The following ATP6V1H variants were observed in gnomAD, a reference collection of about 807,000 sequenced individuals.
ATP6V1H encodes the protein ATPase H+ transporting V1 subunit H, also known as V-type proton ATPase subunit H.
In ATP6V1H, 39 loss-of-function variants were observed where a neutral mutation model predicts 71.7. The ratio of observed to expected loss-of-function variants is 0.54; its 90% CI spans 0.42 to 0.71. The LOEUF is 0.71. ATP6V1H is among the 30% of genes least tolerant of loss of function. The pLI, the probability that ATP6V1H is intolerant of heterozygous loss-of-function variation, is 0.00. For synonymous variants in ATP6V1H, 192 were observed against 199.3 expected (o/e 0.96, Z 0.31); for missense variants, 509 against 594.9 (o/e 0.86, Z 1.50).
intron 13 of ATP6V1H, among the ~76,000 whole-genome samples, chr8:53,737,608 C>A (rs6987427): frequency 0.17 from 25,379 of 152,068 alleles, 3,440 homozygotes; most frequent in East Asian, 0.37. Flanking sequence ...GATCTGATAC[C>A]GTGTGGTGGG....
intron 9 of ATP6V1H, among the ~76,000 whole-genome samples, chr8:53,784,491 A>T (rs897803039): frequency 6.6e-6 from 1 of 152,140 alleles, no homozygotes; most frequent in Non-Finnish European, 1.5e-5. Context: ...CTCTTTATCC[A>T]ATTTGCCAGT....
intron 13 of ATP6V1H, among the ~76,000 whole-genome samples, chr8:53,719,704 C>T (rs1008926868): frequency 6.6e-6 from 1 of 152,174 alleles, no homozygotes; most frequent in Non-Finnish European, 1.5e-5. Flanking sequence ...TTTTAGAGCA[C>T]CCTGTGAGCT....
chr8:53,728,165 A>G (rs984410505), intron 13 of ATP6V1H, among the ~76,000 whole-genome samples: 1 of 152,108 alleles, frequency 6.6e-6, no homozygotes, highest in Non-Finnish European at 1.5e-5. Flanking sequence ...AATTGCTTCC[A>G]TTATTCCGGG....
chr8:53,784,552 T>C (rs1646772350), intron 9 of ATP6V1H, among the ~76,000 whole-genome samples: 1 of 152,218 alleles, frequency 6.6e-6, no homozygotes, highest in Admixed American at 6.5e-5. Flanking sequence ...AGGTTAATAT[T>C]GTTATGTGTG....
chr8:53,839,177 A>G (rs2130546643), intron 2 of ATP6V1H, among the ~76,000 whole-genome samples: 1 of 152,348 alleles, frequency 6.6e-6, no homozygotes, highest in Non-Finnish European at 1.5e-5. Context: ...GTAACTACAA[A>G]CATTCCAAAT....
chr8:53,761,118 C>T (rs950655279), intron 11 of ATP6V1H, among the ~76,000 whole-genome samples: 1 of 152,056 alleles, frequency 6.6e-6, no homozygotes, highest in South Asian at 2.1e-4. Flanking sequence ...GGGCAGATCA[C>T]GAGGTCAGGA....
chr8:53,821,384 AAAAAG>A (rs1165553539), intron 4 of ATP6V1H, among the ~76,000 whole-genome samples: 3 of 151,486 alleles, frequency 2.0e-5, no homozygotes, highest in African/African-American at 4.9e-5. Flanking sequence ...AAAAAAAAAA[AAAAAG>A]AGAGAGAGAG....
chr8:53,781,226 C>A (rs1471584453), intron 9 of ATP6V1H, among the ~76,000 whole-genome samples: 18 of 152,222 alleles, frequency 1.2e-4, no homozygotes, highest in African/African-American at 4.3e-4. Context: ...TTTTAATAAT[C>A]GCCATTCTAA....
At chr8:53,752,835 C>A (rs1266736652) in intron 12 of ATP6V1H, among the ~76,000 whole-genome samples, 2 of 152,206 alleles carry the variant, frequency 1.3e-5, no homozygotes, top group African/African-American at 4.8e-5. Flanking sequence ...CAGGCGTGAG[C>A]TACCGCACCC....
intron 7 of ATP6V1H, among the ~76,000 whole-genome samples, chr8:53,805,981 T>G (rs569824303): frequency 3.3e-5 from 5 of 152,170 alleles, no homozygotes; most frequent in African/African-American, 1.2e-4. Context: ...TTTGTGCGAG[T>G]TGAGGTGAAG....
chr8:53,731,919 C>T (rs935881383), intron 13 of ATP6V1H, among the ~76,000 whole-genome samples: 4 of 152,206 alleles, frequency 2.6e-5, no homozygotes, highest in Non-Finnish European at 5.9e-5. Flanking sequence ...CTCATCAGAG[C>T]GGTGCATGGC....
In ATP6V1H at chr8:53,767,189, A is replaced by G. The variant is rs144876685; in HGVS notation, c.1175+2429T>C. On this transcript the variant is annotated intron_variant, in intron 11 of 13. Coordinates refer to ENST00000359530, the MANE Select transcript of ATP6V1H (RefSeq NM_015941.4). ...ACGTGATTTTCGGGGCAGGTTCCCC[A>G]AAAGAATCCTAATGCAAACTATGTA... Among the ~76,000 whole-genome samples, 343 of 152,340 alleles carry G rather than the reference A, an allele frequency of 2.3e-3. 2 individuals carry two copies. Among genetic ancestry groups the G allele is most frequent in the African/African-American group, 8.0e-3 (332 of 41,588 alleles).
At chr8:53,841,410 C>T (rs1811336774) in intron 2 of ATP6V1H, among the ~76,000 whole-genome samples, 168 bp downstream of exon 2, 3 of 152,190 alleles carry the variant, frequency 2.0e-5, no homozygotes, top group Admixed American at 6.5e-5. Context: ...AAGCTGTTTC[C>T]ACCCCACTAC....
intron 7 of ATP6V1H, among the ~76,000 whole-genome samples, chr8:53,805,345 C>T (rs1034027579): frequency 1.3e-5 from 2 of 151,980 alleles, no homozygotes; most frequent in African/African-American, 4.8e-5. Flanking sequence ...AAAATAAGTC[C>T]CAGAAAGCAG....
At chr8:53,806,881 T>A in intron 7 of ATP6V1H, 1 of 454,590 alleles carries the variant, frequency 2.2e-6, no homozygotes, top group Non-Finnish European at 4.4e-6. Context: ...ATCATAATGG[T>A]CATATGGATA....
chr8:53,807,688 G>T (rs11996372), intron 7 of ATP6V1H, among the ~76,000 whole-genome samples: 205 of 152,212 alleles, frequency 1.3e-3, no homozygotes, highest in African/African-American at 4.4e-3. Flanking sequence ...AGGGTTGGTT[G>T]GTTTGTTTTT....
chr8:53,812,844 A>G (rs1054532629), intron 6 of ATP6V1H, among the ~76,000 whole-genome samples: 1 of 152,070 alleles, frequency 6.6e-6, no homozygotes, highest in Non-Finnish European at 1.5e-5. Context: ...ACAGGTGTGC[A>G]CCACCACGCC....
At chr8:53,771,416 T>C (rs1198544551) in intron 10 of ATP6V1H, among the ~76,000 whole-genome samples, 2 of 151,942 alleles carry the variant, frequency 1.3e-5, no homozygotes, top group Non-Finnish European at 2.9e-5. Flanking sequence ...AGAGCCCAAT[T>C]TGTGGGTTGT....
At chr8:53,724,493 A>T (rs1432477009) in intron 13 of ATP6V1H, among the ~76,000 whole-genome samples, 1 of 151,858 alleles carries the variant, frequency 6.6e-6, no homozygotes, top group African/African-American at 2.4e-5. Context: ...TGGCCAGAAG[A>T]CTGAGTAAGG....
Sources: allele counts gnomAD v4.1 joint callset (sites outside exome capture counted in the v4.1 genomes callset), GRCh38; gene constraint gnomAD v4.1.1; transcripts MANE v1.5; gene names NCBI Gene and HGNC (gene_info 2026-07-23, HGNC 2026-07-21).